RALY: variants seen among roughly 807,000 people sequenced by gnomAD.
The protein encoded by RALY is RNA-binding protein Raly.
A neutral mutation model predicts 30.7 loss-of-function variants in RALY; 15 were observed. The ratio of observed to expected loss-of-function variants is 0.49; its 90% CI spans 0.33 to 0.75. RALY has a LOEUF of 0.75. Ranked by LOEUF, RALY falls within the 30% of genes least tolerant of loss-of-function variation. The pLI is 0.02. For synonymous variants in RALY, 177 were observed against 170.8 expected (o/e 1.04, Z -0.28); for missense variants, 339 against 414.3 (o/e 0.82, Z 1.58).
At chr20:34,020,273 G>C (rs573927229) in intron 1 of RALY, among the ~76,000 whole-genome samples, 44 of 152,338 alleles carry the variant, frequency 2.9e-4, no homozygotes, top group Admixed American at 9.1e-4. Flanking sequence ...ACTCCCATGG[G>C]GGTGAGGGGA....
At chr20:34,012,461 T>C (rs200210566) in intron 1 of RALY, among the ~76,000 whole-genome samples, 5 of 76,406 alleles carry the variant, frequency 6.5e-5, no homozygotes, top group Non-Finnish European at 3.3e-5. Context: ...TTTCTCTTCT[T>C]TTTCCTTTCC....
intron 2 of RALY, among the ~76,000 whole-genome samples, chr20:34,053,914 C>T (rs1157658254): frequency 6.6e-6 from 1 of 152,100 alleles, no homozygotes; most frequent in African/African-American, 2.4e-5. Flanking sequence ...TTGCTGCTGT[C>T]CTTATACATA....
intron 2 of RALY, among the ~76,000 whole-genome samples, chr20:34,069,526 C>T (rs1470569660): frequency 1.3e-5 from 2 of 152,188 alleles, no homozygotes; most frequent in East Asian, 3.8e-4. Context: ...TAGGCCAAAA[C>T]TATAGCACTT....
chr20:34,067,583 TG>T (rs1327872948), intron 2 of RALY, among the ~76,000 whole-genome samples: 1 of 152,202 alleles, frequency 6.6e-6, no homozygotes, highest in Non-Finnish European at 1.5e-5. Context: ...TGTTCAGGCT[TG>T]TTTTTTGTTG....
intron 2 of RALY, among the ~76,000 whole-genome samples, chr20:34,050,954 T>G (rs1261815550): frequency 6.6e-6 from 1 of 152,162 alleles, no homozygotes; most frequent in African/African-American, 2.4e-5. Flanking sequence ...TAGAGAGTAA[T>G]CAATACTGAG....
At chr20:34,022,934 C>T (rs751084651) in intron 1 of RALY, among the ~76,000 whole-genome samples, 2 of 152,168 alleles carry the variant, frequency 1.3e-5, no homozygotes, top group Non-Finnish European at 2.9e-5. Context: ...GCTCAAAGAT[C>T]ATTTGCTTGA....
intron 9 of RALY, among the ~76,000 whole-genome samples, chr20:34,079,423 C>G (rs2033983519): frequency 1.3e-5 from 2 of 152,192 alleles, no homozygotes; most frequent in South Asian, 4.1e-4. Context: ...TACTCTCTGA[C>G]CCATTCCCTT....
chr20:34,028,628 C>T (rs190092615), intron 1 of RALY, among the ~76,000 whole-genome samples: 51 of 136,816 alleles, frequency 3.7e-4, no homozygotes, highest in Middle Eastern at 4.2e-3. Context: ...GGTGTGAACC[C>T]GGGAGGCGGA....
At chr20:33,997,745 T>C (rs1714084273) in intron 1 of RALY, among the ~76,000 whole-genome samples, 1 of 152,188 alleles carries the variant, frequency 6.6e-6, no homozygotes, top group South Asian at 2.1e-4. Flanking sequence ...TTGACCGTTT[T>C]CTGTGTTGGT....
intron 1 of RALY, chr20:34,017,472 T>C (rs1840298972): frequency 6.6e-6 from 1 of 152,234 alleles, no homozygotes. Context: ...CCTGGAGCTG[T>C]TCAAAGACTG....
intron 1 of RALY, among the ~76,000 whole-genome samples, chr20:34,009,313 A>C (rs2031297438): frequency 6.6e-6 from 1 of 151,986 alleles, no homozygotes; most frequent in Non-Finnish European, 1.5e-5. Context: ...ATCTCAGCTC[A>C]CTGCAACCTC....
chr20:34,031,207 GC>G lies in RALY; in HGVS notation c.-92-314del, dbSNP rs553618385. On this transcript the variant is annotated intron_variant, in intron 1 of 9. Transcript: ENST00000246194. ...TTACAGGCGCCCACCACCATGCCTG[GC>G]TAATTTTTTTTTTTTTTTTTTTTTG... is the stretch of plus-strand genomic sequence containing the variant. 6.3e-3 allele frequency among the ~76,000 whole-genome samples: 845 copies of G among 134,564 alleles called. 11 individuals carry two copies. Among genetic ancestry groups the G allele is most frequent in the African/African-American group, 0.022 (812 of 36,862 alleles). The allele number at this position is 134,564 out of a possible 152,430, so 88.3% of individuals were successfully genotyped here. A position where few individuals can be genotyped will look rare whatever the true frequency, so the allele number is the denominator to read the frequency against.
At chr20:34,057,404 AC>A (rs1278032852) in intron 2 of RALY, among the ~76,000 whole-genome samples, 1 of 152,218 alleles carries the variant, frequency 6.6e-6, no homozygotes, top group African/African-American at 2.4e-5. Flanking sequence ...GTGGTGGCTC[AC>A]GCCTGTAATC....
At chr20:34,037,766 G>A (rs555744077) in intron 2 of RALY, among the ~76,000 whole-genome samples, 10 of 152,354 alleles carry the variant, frequency 6.6e-5, no homozygotes, top group Non-Finnish European at 1.3e-4. Context: ...TAGAGTCTGA[G>A]AAGGTCTAGG....
rs564281458 is a variant in RALY at position 34,072,467 on chromosome 20, G to C, written c.256+137G>C. 30 of 1,206,370 alleles carry C rather than the reference G, an allele frequency of 2.5e-5. No individual in the cohort carries two copies. In the African/African-American group the frequency reaches 3.8e-4, roughly 15 times the overall value. The allele number at this position is 1,206,370 out of a possible 1,614,324, so 74.7% of individuals were successfully genotyped here. On this transcript the variant is annotated intron_variant, in intron 3 of 9. Transcript: ENST00000246194. The stretch of plus-strand genomic sequence containing the variant: ...TTATAAATTTATAAGCTATGTTTAA[G>C]TTTTAAATAGTTATAAAATTAATCC...
intron 7 of RALY, 97 bp from the exon 8 acceptor site, chr20:34,076,931 A>G (rs1247855155): frequency 1.1e-5 from 18 of 1,599,362 alleles, no homozygotes; most frequent in Non-Finnish European, 1.4e-5. Context: ...GACCACCTGC[A>G]CTCACCATGC....
At chr20:34,072,622 G>A (rs561611448) in intron 3 of RALY, among the ~76,000 whole-genome samples, 2 of 152,300 alleles carry the variant, frequency 1.3e-5, no homozygotes, top group East Asian at 3.9e-4. Flanking sequence ...GAACAGAGTG[G>A]CCTAGAACAG....
At chr20:34,054,653 T>C (rs146442099) in intron 2 of RALY, among the ~76,000 whole-genome samples, 1 of 152,128 alleles carries the variant, frequency 6.6e-6, no homozygotes, top group Non-Finnish European at 1.5e-5. Context: ...TGGTGAAACT[T>C]TGTCTCTACT....
chr20:34,026,553 C>A (rs2032046785), intron 1 of RALY, among the ~76,000 whole-genome samples: 1 of 133,488 alleles, frequency 7.5e-6, no homozygotes, highest in Non-Finnish European at 1.6e-5. Context: ...CAGGCGCCCG[C>A]CAGCCATGCC....
Sources: allele counts gnomAD v4.1 joint callset (sites outside exome capture counted in the v4.1 genomes callset), GRCh38; gene constraint gnomAD v4.1.1; transcripts MANE v1.5; gene names NCBI Gene and HGNC (gene_info 2026-07-23, HGNC 2026-07-21).